BTAF1: variants seen among roughly 807,000 people sequenced by gnomAD.
BTAF1 encodes B-TFIID TATA-box binding protein associated factor 1, also known as TATA-binding protein-associated factor 172.
A neutral mutation model predicts 227.1 loss-of-function variants in BTAF1; 38 were observed. The ratio of observed to expected loss-of-function variants is 0.17; its 90% CI spans 0.13 to 0.22. The LOEUF is 0.22. BTAF1 is among the 10% of genes least tolerant of loss of function. BTAF1 has a pLI of 1.00. For synonymous variants in BTAF1, 742 were observed against 751.9 expected (o/e 0.99, Z 0.21); for missense variants, 1,598 against 2,204.0 (o/e 0.73, Z 5.51).
rs543130299 is a variant in BTAF1 at position 91,960,857 on chromosome 10, G to A, written c.1263+703G>A. Among the ~76,000 whole-genome samples the A allele has an allele frequency of 2.0e-5, 3 of 152,168 alleles. No homozygotes were observed. The South Asian group carries it at 6.2e-4, about 32-fold the overall frequency. ...TCAGGAACATTTATGTTCCCTTAGT[G>A]GGTTATTAAAAACTCTGATATATTC... On this transcript the variant is annotated intron_variant, in intron 11 of 37. Transcript: ENST00000265990.
At chr10:91,970,443 G>T (rs1847210948) in intron 14 of BTAF1, among the ~76,000 whole-genome samples, 1 of 152,186 alleles carries the variant, frequency 6.6e-6, no homozygotes, top group South Asian at 2.1e-4. Flanking sequence ...TCACAATCAT[G>T]GTGGAAGGCA....
At chr10:91,962,764 T>C in intron 12 of BTAF1, 86 bp downstream of exon 12, 1 of 1,290,036 alleles carries the variant, frequency 7.8e-7, no homozygotes. Flanking sequence ...TGTGTACATT[T>C]TTCTCCTTCA....
intron 25 of BTAF1, among the ~76,000 whole-genome samples, chr10:91,999,498 G>A (rs566252340): frequency 1.3e-5 from 2 of 152,208 alleles, no homozygotes; most frequent in East Asian, 1.9e-4. Flanking sequence ...GGGTTCAAGC[G>A]ATTCTCCTGC....
chr10:91,976,146 A>T (rs1447182555), intron 14 of BTAF1, among the ~76,000 whole-genome samples: 1 of 152,208 alleles, frequency 6.6e-6, no homozygotes, highest in East Asian at 1.9e-4. Flanking sequence ...AAAGGCTGTT[A>T]AACTGGTAAT....
intron 34 of BTAF1, 21 bp from the exon 35 acceptor site, chr10:92,024,735 T>TTTTTTTTTTG: frequency 1.3e-6 from 2 of 1,564,166 alleles, no homozygotes; most frequent in Middle Eastern, 2.1e-4. Context: ...TTATGTAGTT[T>TTTTTTTTTTG]TTTTTTTTTT....
In BTAF1 at chr10:92,018,952, AG is replaced by A; in HGVS notation, c.4863+18del. On this transcript the variant is annotated intron_variant, in intron 34 of 37. Coordinates refer to ENST00000265990, the MANE Select transcript of BTAF1 (RefSeq NM_003972.3). Reference sequence around the variant, plus strand: ...TTGAAACAAGTATGTATGTCTTTTAAGTGTTAAATGTGTGTTGTACCCCAGG... The same window carrying A: ...TTGAAACAAGTATGTATGTCTTTTAATGTTAAATGTGTGTTGTACCCCAGG... 6.6e-7 allele frequency: 1 copy of A among 1,520,350 alleles called. No homozygotes were observed. Among genetic ancestry groups the A allele is most frequent in the South Asian group, 1.3e-5 (1 of 74,602 alleles). The allele number at this position is 1,520,350 out of a possible 1,614,324, so 94.2% of individuals were successfully genotyped here.
intron 3 of BTAF1, 129 bp downstream of exon 3, chr10:91,940,195 C>A: frequency 2.0e-5 from 9 of 455,706 alleles, no homozygotes; most frequent in East Asian, 7.8e-5. Flanking sequence ...ACAGCTTTGT[C>A]AGGAAATGAT....
At chr10:91,970,998 A>G (rs1181099327) in intron 14 of BTAF1, among the ~76,000 whole-genome samples, 1 of 152,236 alleles carries the variant, frequency 6.6e-6, no homozygotes, top group Admixed American at 6.5e-5. Flanking sequence ...ATGTGTTTTG[A>G]ACAAAAGTGC....
At chr10:92,002,155 G>C (rs1849594220) in intron 25 of BTAF1, among the ~76,000 whole-genome samples, 1 of 152,034 alleles carries the variant, frequency 6.6e-6, no homozygotes, top group South Asian at 2.1e-4. Flanking sequence ...TTAATAGCAG[G>C]TTAGACACTG....
At chr10:91,956,869 A>G (rs1846129598) in intron 7 of BTAF1, among the ~76,000 whole-genome samples, 1 of 152,132 alleles carries the variant, frequency 6.6e-6, no homozygotes, top group Non-Finnish European at 1.5e-5. Context: ...ACGTGCCTGT[A>G]ATCCCAGCTA....
In BTAF1 at chr10:91,993,738, T is replaced by C. The variant is rs1297650905; in HGVS notation, c.3090T>C (p.Ala1030=). The C allele has an allele frequency of 6.3e-7, 1 of 1,593,380 alleles. No homozygotes were observed. Among genetic ancestry groups the C allele is most frequent in the South Asian group, 1.2e-5 (1 of 86,570 alleles). Residue 1030 remains alanine (A), a synonymous_variant, in exon 22 of 38, where the codon GCT becomes GCC. Coordinates refer to ENST00000265990, the MANE Select transcript of BTAF1 (RefSeq NM_003972.3). ...YLVQRRGAEF[A]LTTIVKHFGG... ...TACAACGGAGAGGAGCTGAATTTGC[T>C]TTGACAACTATAGTAAAGCATTTTG...
At position 92,024,896 on chromosome 10, in the gene BTAF1, C is replaced by T; in HGVS notation, c.5004C>T (p.His1668=). 3 of 1,614,108 alleles carry T rather than the reference C, an allele frequency of 1.9e-6. No homozygotes were observed. The highest frequency in any genetic ancestry group is 2.5e-6 in the Non-Finnish European group (3 of 1,180,014). ...DIVEHDLLKP[H]LPSVTYLRLD... is the part of the protein sequence containing the mutation. Reference sequence around the variant, plus strand: ...TAGAGCATGATCTCCTCAAACCTCACTTGCCCTCTGTCACTTATTTGAGAT... The same window carrying T: ...TAGAGCATGATCTCCTCAAACCTCATTTGCCCTCTGTCACTTATTTGAGAT... Residue 1668 remains histidine (H), a synonymous_variant, in exon 35 of 38, where the codon CAC becomes CAT. Transcript: ENST00000265990.
intron 25 of BTAF1, among the ~76,000 whole-genome samples, chr10:92,006,584 T>C (rs187652831): frequency 6.6e-6 from 1 of 152,340 alleles, no homozygotes; most frequent in Non-Finnish European, 1.5e-5. Flanking sequence ...GTGGACACAA[T>C]TCATTATATA....
intron 2 of BTAF1, 43 bp from the exon 3 acceptor site, chr10:91,939,909 A>G (rs1265708482): frequency 5.1e-6 from 7 of 1,377,932 alleles, no homozygotes; most frequent in Non-Finnish European, 7.2e-6. Flanking sequence ...CCTTGCGCAA[A>G]CAATATTTTT....
intron 1 of BTAF1, among the ~76,000 whole-genome samples, chr10:91,930,930 C>T (rs561394535): frequency 6.6e-6 from 1 of 152,262 alleles, no homozygotes; most frequent in African/African-American, 2.4e-5. Flanking sequence ...CCTAATTTAT[C>T]AGAGAGGTTA....
rs553500462 is a variant in BTAF1 at position 91,981,828 on chromosome 10, A to G, written c.1905+36A>G. 6 of 1,579,602 alleles carry G rather than the reference A, an allele frequency of 3.8e-6. No individual in the cohort carries two copies. In the South Asian group the frequency reaches 5.9e-5, roughly 15 times the overall value. On this transcript the variant is annotated intron_variant, in intron 16 of 37. Coordinates refer to ENST00000265990, the MANE Select transcript of BTAF1 (RefSeq NM_003972.3). ...AGGGACATAGTGTATTTGTGTGTTC[A>G]TCATCTAATTATTAATACAGTAACC...
rs1851773135 is a variant in BTAF1, at chr10:92,029,756, A to C, written c.*823A>C. On this transcript the variant is annotated 3_prime_UTR_variant, in exon 38 of 38. Coordinates refer to ENST00000265990, the MANE Select transcript of BTAF1 (RefSeq NM_003972.3). Reference sequence around the variant, plus strand: ...TAGATTTTACACTGTTTAGAATTCCAACACCTACAGTGGAAAGACTGTTTA... The same window carrying C: ...TAGATTTTACACTGTTTAGAATTCCCACACCTACAGTGGAAAGACTGTTTA... 1 of 152,236 alleles carries C rather than the reference A, an allele frequency of 6.6e-6. No individual in the cohort carries two copies. The highest frequency in any genetic ancestry group is 2.4e-5 in the African/African-American group (1 of 41,448). The allele number at this position is 152,236 out of a possible 1,614,324, so 9.4% of individuals were successfully genotyped here.
chr10:91,957,280 A>G lies in BTAF1; in HGVS notation c.887A>G (p.Asn296Ser). The G allele has an allele frequency of 1.2e-6, 2 of 1,612,166 alleles. No homozygotes were observed. The highest frequency in any genetic ancestry group is 1.7e-6 in the Non-Finnish European group (2 of 1,178,722). ...GAAGAACTTTGCAATGACCTTTTTA[A>G]TCCCTCCTGGGAGGTAAGATTTCTT... is the stretch of plus-strand genomic sequence containing the variant. ...FCEELCNDLF[N>S]PSWEVRHGAG... The change falls in exon 8 of 38, where the codon AAT becomes AGT. Residue 296 changes from asparagine (N) to serine (S), a missense_variant. Around this residue, in one of 10 missense-constraint regions of BTAF1, gnomAD observed 298 missense variants for 395.2 expected, o/e 0.75. Coordinates refer to ENST00000265990, the MANE Select transcript of BTAF1 (RefSeq NM_003972.3).
At chr10:92,028,754 A>ATTT in intron 37 of BTAF1, 36 bp from the exon 38 acceptor site, 1 of 1,415,490 alleles carries the variant, frequency 7.1e-7, no homozygotes, top group Non-Finnish European at 9.6e-7. Context: ...TTAACCTCTC[A>ATTT]TTTTATTTTT....
Sources: gnomAD v4.1 joint callset for allele counts (sites outside exome capture counted in the v4.1 genomes callset) on GRCh38, gnomAD v4.1.1 for gene constraint, gnomAD v4.1.1 regional missense constraint, MANE v1.5 for transcripts, NCBI Gene and HGNC (gene_info 2026-07-23, HGNC 2026-07-21) for gene names.